CNTN5: variants seen among roughly 807,000 people sequenced by gnomAD.
CNTN5 encodes contactin 5.
In CNTN5, 77 loss-of-function variants were observed where a neutral mutation model predicts 129.1. That is an observed-to-expected ratio of 0.60 (90% CI 0.50 to 0.72). The LOEUF (loss-of-function observed/expected upper bound fraction) is 0.72, where lower values mean the gene tolerates loss of function less well. CNTN5 is among the 30% of genes least tolerant of loss of function. The pLI is 0.00. For missense variants in CNTN5, 1,478 were observed against 1,328.8 expected (o/e 1.11, Z -1.75); for synonymous variants, 509 against 465.6 (o/e 1.09, Z -1.20).
chr11:99,538,305 G>A (rs1218508814), intron 2 of CNTN5, among the ~76,000 whole-genome samples: 1 of 152,058 alleles, frequency 6.6e-6, no homozygotes, highest in African/African-American at 2.4e-5. Context: ...ATTTACAGTG[G>A]TTTATTTAGT....
At position 99,510,002 on chromosome 11, in the gene CNTN5, T is replaced by TA. The variant is rs939055475; in HGVS notation, c.-70-46135dup. On this transcript the variant is annotated intron_variant, in intron 2 of 24. Transcript: ENST00000524871. ...GCTTAATCTCTCTTTGCCTCAATTT[T>TA]AAAAAAAATGTAAATGAAAATTAAA... Among the ~76,000 whole-genome samples the TA allele has an allele frequency of 3.0e-4, 46 of 151,186 alleles. No homozygotes were observed. The Middle Eastern group carries it at 0.01, about 34-fold the overall frequency.
At chr11:99,392,712 A>G (rs901625230) in intron 2 of CNTN5, among the ~76,000 whole-genome samples, 32 of 151,898 alleles carry the variant, frequency 2.1e-4, no homozygotes, top group African/African-American at 7.5e-4. Context: ...GTTAATGGTA[A>G]AAAGCAAATA....
chr11:99,344,971 T>C (rs1937724435), intron 2 of CNTN5, among the ~76,000 whole-genome samples: 1 of 152,158 alleles, frequency 6.6e-6, no homozygotes, highest in African/African-American at 2.4e-5. Context: ...TGGAAATGTG[T>C]AGCTTTCTGC....
chr11:99,848,158 C>A (rs1443536863), intron 6 of CNTN5, among the ~76,000 whole-genome samples: 2 of 151,620 alleles, frequency 1.3e-5, no homozygotes, highest in Non-Finnish European at 2.9e-5. Flanking sequence ...TGCAGTGAGC[C>A]GAGATCACAC....
intron 1 of CNTN5, among the ~76,000 whole-genome samples, chr11:99,239,656 C>T (rs1861440448): frequency 6.6e-6 from 1 of 152,162 alleles, no homozygotes; most frequent in African/African-American, 2.4e-5. Context: ...TCACATAAGG[C>T]CGGGCGCGGT....
At chr11:100,199,687 A>C (rs1315501837) in intron 15 of CNTN5, among the ~76,000 whole-genome samples, 1 of 151,792 alleles carries the variant, frequency 6.6e-6, no homozygotes, top group Admixed American at 6.6e-5. Flanking sequence ...ATCATTCCGA[A>C]AGCAAATAAG....
chr11:99,993,506 A>G (rs1939254533), intron 8 of CNTN5, among the ~76,000 whole-genome samples: 2 of 152,066 alleles, frequency 1.3e-5, no homozygotes, highest in African/African-American at 4.8e-5. Context: ...TCAGGATGAA[A>G]CTTTTCCACC....
intron 2 of CNTN5, among the ~76,000 whole-genome samples, chr11:99,380,549 C>T (rs998279575): frequency 1.3e-5 from 2 of 152,000 alleles, no homozygotes; most frequent in African/African-American, 2.4e-5. Context: ...GTAGGTGGAT[C>T]ATCTGAGGTC....
At chr11:100,338,589 C>T (rs1952086267) in intron 21 of CNTN5, among the ~76,000 whole-genome samples, 1 of 152,218 alleles carries the variant, frequency 6.6e-6, no homozygotes, top group Admixed American at 6.5e-5. Flanking sequence ...TTCTCGGCCC[C>T]TTCATCAGAC....
intron 3 of CNTN5, among the ~76,000 whole-genome samples, chr11:99,624,405 T>C (rs1951057828): frequency 6.6e-6 from 1 of 152,168 alleles, no homozygotes; most frequent in South Asian, 2.1e-4. Flanking sequence ...GCTAGTCATT[T>C]CTTAGCTACT....
chr11:99,240,385 CTCTA>C (rs138582913), intron 1 of CNTN5, among the ~76,000 whole-genome samples: 2 of 152,214 alleles, frequency 1.3e-5, no homozygotes, highest in East Asian at 3.9e-4. Flanking sequence ...ATTCTCCTCA[CTCTA>C]TCTACAAAAT....
intron 13 of CNTN5, among the ~76,000 whole-genome samples, chr11:100,080,121 T>C (rs1944303740): frequency 6.6e-6 from 1 of 152,192 alleles, no homozygotes; most frequent in African/African-American, 2.4e-5. Context: ...GAATGTCATA[T>C]ATGTTTAAAA....
intron 1 of CNTN5, among the ~76,000 whole-genome samples, chr11:99,165,285 A>G (rs1048950651): frequency 2.6e-5 from 4 of 152,224 alleles, no homozygotes; most frequent in African/African-American, 9.6e-5. Context: ...ACGATAAAAG[A>G]GTCATTCACT....
chr11:99,088,165 A>G (rs747016109), intron 1 of CNTN5, among the ~76,000 whole-genome samples: 3 of 152,106 alleles, frequency 2.0e-5, no homozygotes, highest in Non-Finnish European at 2.9e-5. Flanking sequence ...ACACACATAT[A>G]CTTCACATGG....
chr11:99,355,202 A>G (rs1361687812), intron 2 of CNTN5, among the ~76,000 whole-genome samples: 1 of 152,174 alleles, frequency 6.6e-6, no homozygotes, highest in Non-Finnish European at 1.5e-5. Flanking sequence ...ATATCAATGC[A>G]TGTATTATTT....
chr11:99,056,131 T>C (rs1335855202), intron 1 of CNTN5, among the ~76,000 whole-genome samples: 1 of 151,970 alleles, frequency 6.6e-6, no homozygotes, highest in Non-Finnish European at 1.5e-5. Flanking sequence ...TCTTTTCTTA[T>C]TTATTTTTTA....
chr11:100,274,653 C>CA (rs1424720390), intron 18 of CNTN5, among the ~76,000 whole-genome samples: 6 of 152,132 alleles, frequency 3.9e-5, no homozygotes, highest in Admixed American at 3.9e-4. Context: ...CAGAGAAATA[C>CA]AAAATGCAAT....
intron 13 of CNTN5, among the ~76,000 whole-genome samples, chr11:100,167,130 CA>C (rs1401632761): frequency 2.6e-5 from 4 of 151,648 alleles, no homozygotes; most frequent in Non-Finnish European, 5.9e-5. Flanking sequence ...CCACAACTTC[CA>C]AACCCCGCCC....
rs550575095 is a variant in CNTN5 at position 100,323,197 on chromosome 11, T to A, written c.2730+14729T>A. On this transcript the variant is annotated intron_variant, in intron 21 of 24. Coordinates refer to ENST00000524871, the MANE Select transcript of CNTN5 (RefSeq NM_014361.4). ...TTGGTCTCTGCCTACATTACTAGGT[T>A]CTCCAATGTTTATCTCTGAGCAAGC... Among the ~76,000 whole-genome samples, 6 of 152,324 alleles carry A rather than the reference T, an allele frequency of 3.9e-5. No individual in the cohort carries two copies. In the East Asian group the frequency reaches 9.6e-4, roughly 24 times the overall value.
Sources: allele counts gnomAD v4.1 joint callset (sites outside exome capture counted in the v4.1 genomes callset), GRCh38; gene constraint gnomAD v4.1.1; transcripts MANE v1.5; gene names NCBI Gene and HGNC (gene_info 2026-07-23, HGNC 2026-07-21).